Variants in SPATA17 observed in about 807,000 individuals in gnomAD.
SPATA17 encodes the protein spermatogenesis associated 17.
SPATA17 carries 53 observed loss-of-function variants against 62.2 expected under a neutral mutation model. That is an observed-to-expected ratio of 0.85 (90% CI 0.68 to 1.07). The LOEUF (loss-of-function observed/expected upper bound fraction) is 1.07, where lower values mean the gene tolerates loss of function less well. Ranked by LOEUF, SPATA17 falls within the 50% of genes least tolerant of loss-of-function variation. The probability of loss-of-function intolerance (pLI) is 0.00; values close to 1 mark genes in which losing one functional copy is unlikely to be tolerated. For synonymous variants in SPATA17, 146 were observed against 146.8 expected, an observed-to-expected ratio of 0.99 and a Z score of 0.04; for missense variants, 466 against 425.5, an observed-to-expected ratio of 1.10 and a Z score of -0.84.
chr1:217,861,484 C>A (rs2103016329), intron 9 of SPATA17, among the ~76,000 whole-genome samples: 1 of 151,450 alleles, frequency 6.6e-6, no homozygotes, highest in South Asian at 2.1e-4. Context: ...ATGCTTCATG[C>A]AGATGTCTAA....
chr1:217,751,895 C>T (rs1467891486), intron 6 of SPATA17, among the ~76,000 whole-genome samples: 1 of 152,088 alleles, frequency 6.6e-6, no homozygotes, highest in Non-Finnish European at 1.5e-5. Context: ...AGAATAAATT[C>T]CTTAGAAAAA....
chr1:217,750,628 A>T (rs77426774), intron 6 of SPATA17, among the ~76,000 whole-genome samples: 19,896 of 152,192 alleles, frequency 0.13, 1,394 homozygotes, highest in Non-Finnish European at 0.16. Flanking sequence ...AGAGTTATGG[A>T]TGTATGGTTT....
At chr1:217,787,269 A>G (rs1485932241) in intron 8 of SPATA17, among the ~76,000 whole-genome samples, 1 of 152,136 alleles carries the variant, frequency 6.6e-6, no homozygotes, top group Admixed American at 6.6e-5. Flanking sequence ...TTACCAGACA[A>G]GCACTAAAGA....
intron 7 of SPATA17, among the ~76,000 whole-genome samples, chr1:217,774,910 T>C (rs933505692): frequency 6.6e-6 from 1 of 152,232 alleles, no homozygotes; most frequent in South Asian, 2.1e-4. Flanking sequence ...CATTTGGCAT[T>C]TGAGTTGCGA....
intron 9 of SPATA17, among the ~76,000 whole-genome samples, chr1:217,813,799 T>A (rs531256922): frequency 9.9e-5 from 15 of 152,168 alleles, no homozygotes; most frequent in Non-Finnish European, 1.8e-4. Context: ...AATCTATAGA[T>A]GCATTTGTAT....
Position 217,848,426 on chromosome 1 carries a change from CA to C in SPATA17, c.1006-14347del, listed in dbSNP as rs563878204. Among the ~76,000 whole-genome samples, 80 of 152,220 alleles carry C rather than the reference CA, an allele frequency of 5.3e-4. No homozygotes were observed. The South Asian group carries it at 0.017, about 32-fold the overall frequency. ...AATATGTCTTGAGTAAGCAAATATT[CA>C]GCTTTTACTTTTTTTTACTATGTAA... On this transcript the variant is annotated intron_variant, in intron 9 of 10. Transcript: ENST00000366933.
chr1:217,859,186 T>C (rs1482424720), intron 9 of SPATA17, among the ~76,000 whole-genome samples: 1 of 146,438 alleles, frequency 6.8e-6, no homozygotes, highest in Non-Finnish European at 1.5e-5. Context: ...AATATAAAAT[T>C]ATAAATATAT....
chr1:217,817,867 T>A (rs1052637884), intron 9 of SPATA17, among the ~76,000 whole-genome samples: 38 of 152,052 alleles, frequency 2.5e-4, no homozygotes, highest in African/African-American at 8.5e-4. Context: ...CCCTGTAACT[T>A]TATGAAGCAT....
intron 5 of SPATA17, among the ~76,000 whole-genome samples, chr1:217,716,094 C>T (rs1449513103): frequency 6.6e-6 from 1 of 152,094 alleles, no homozygotes; most frequent in East Asian, 1.9e-4. Context: ...AATAATCTTG[C>T]TCTGGCAGAA....
At chr1:217,747,160 T>G in intron 6 of SPATA17, among the ~76,000 whole-genome samples, 1 of 152,118 alleles carries the variant, frequency 6.6e-6, no homozygotes, top group Non-Finnish European at 1.5e-5. Context: ...TGCTTCCATT[T>G]GTAAATTTAA....
At chr1:217,865,090 C>G (rs542475719) in intron 10 of SPATA17, among the ~76,000 whole-genome samples, 6 of 152,114 alleles carry the variant, frequency 3.9e-5, no homozygotes, top group Admixed American at 3.3e-4. Flanking sequence ...AGGGCAGCAG[C>G]CTTAGCTGAG....
At chr1:217,760,682 T>C (rs1673151569) in intron 6 of SPATA17, among the ~76,000 whole-genome samples, 1 of 152,198 alleles carries the variant, frequency 6.6e-6, no homozygotes, top group Non-Finnish European at 1.5e-5. Flanking sequence ...GTTTAACAAA[T>C]GCCCAATTAT....
chr1:217,798,581 CAG>C (rs10615734), intron 8 of SPATA17, among the ~76,000 whole-genome samples: 5,199 of 152,202 alleles, frequency 0.034, 290 homozygotes, highest in African/African-American at 0.12. Flanking sequence ...AATTTAGCAA[CAG>C]AGTTTAGAGA....
At chr1:217,832,939 G>A (rs1006936065) in intron 9 of SPATA17, among the ~76,000 whole-genome samples, 14 of 150,276 alleles carry the variant, frequency 9.3e-5, no homozygotes, top group Admixed American at 2.7e-4. Flanking sequence ...GTGAGACCCC[G>A]TCTCAAAGAA....
chr1:217,827,769 A>C (rs1167631462), intron 9 of SPATA17, among the ~76,000 whole-genome samples: 1 of 152,162 alleles, frequency 6.6e-6, no homozygotes, highest in Non-Finnish European at 1.5e-5. Context: ...ATCTTCAGCA[A>C]ACTAATGCAG....
chr1:217,800,084 C>T (rs1185744420), intron 8 of SPATA17, among the ~76,000 whole-genome samples: 1 of 151,966 alleles, frequency 6.6e-6, no homozygotes, highest in Non-Finnish European at 1.5e-5. Flanking sequence ...TGTCTGTTTC[C>T]TCTAGCTTAT....
chr1:217,862,331 G>T (rs935716403), intron 9 of SPATA17, among the ~76,000 whole-genome samples: 1 of 152,086 alleles, frequency 6.6e-6, no homozygotes, highest in Non-Finnish European at 1.5e-5. Flanking sequence ...CCATTCATTT[G>T]AATCACTTCT....
chr1:217,838,197 A>T (rs1427767844), intron 9 of SPATA17, among the ~76,000 whole-genome samples: 1 of 152,076 alleles, frequency 6.6e-6, no homozygotes, highest in African/African-American at 2.4e-5. Flanking sequence ...CCCACATAGT[A>T]TTTCTATTAG....
intron 9 of SPATA17, among the ~76,000 whole-genome samples, chr1:217,820,836 A>G (rs1269642159): frequency 6.6e-6 from 1 of 151,708 alleles, no homozygotes; most frequent in Non-Finnish European, 1.5e-5. Flanking sequence ...ATCTACAGGA[A>G]TACCTGAAGC....
Sources: gnomAD v4.1 joint callset for allele counts (sites outside exome capture counted in the v4.1 genomes callset) on GRCh38, gnomAD v4.1.1 for gene constraint, MANE v1.5 for transcripts, NCBI Gene and HGNC (gene_info 2026-07-23, HGNC 2026-07-21) for gene names.